FUT8: variants seen among roughly 807,000 people sequenced by gnomAD.
FUT8 encodes alpha-(1,6)-fucosyltransferase.
Under a neutral mutation model 71.3 loss-of-function variants are expected in FUT8, and 29 were observed. The ratio of observed to expected loss-of-function variants is 0.41; its 90% CI spans 0.30 to 0.55. FUT8 has a LOEUF of 0.55. Among genes scored for constraint, FUT8 ranks in the 20% least tolerant of loss-of-function variants. The probability of loss-of-function intolerance (pLI) is 0.34; values close to 1 mark genes in which losing one functional copy is unlikely to be tolerated. For missense variants in FUT8, 544 were observed against 702.1 expected (o/e 0.77, Z 2.55); for synonymous variants, 254 against 239.3 (o/e 1.06, Z -0.57).
chr14:65,525,421 A>T (rs2139881427), intron 2 of FUT8, among the ~76,000 whole-genome samples: 1 of 152,240 alleles, frequency 6.6e-6, no homozygotes, highest in African/African-American at 2.4e-5. Context: ...CCCCTTTATC[A>T]TTTTTTATTG....
At chr14:65,631,944 T>C (rs1890204090) in intron 6 of FUT8, among the ~76,000 whole-genome samples, 1 of 147,842 alleles carries the variant, frequency 6.8e-6, no homozygotes, top group East Asian at 2.2e-4. Flanking sequence ...AGTGAGAACA[T>C]ATGGTATTTG....
intron 8 of FUT8, among the ~76,000 whole-genome samples, chr14:65,723,925 T>TA (rs966798873): frequency 2.0e-5 from 3 of 152,252 alleles, no homozygotes; most frequent in African/African-American, 7.2e-5. Context: ...AGGCTTTACT[T>TA]ACTTTCTAAT....
chr14:65,647,129 A>C (rs1330757868), intron 6 of FUT8, among the ~76,000 whole-genome samples: 2 of 152,210 alleles, frequency 1.3e-5, no homozygotes, highest in Admixed American at 6.5e-5. Flanking sequence ...GTGACATTCT[A>C]GTCATTACAG....
intron 3 of FUT8, among the ~76,000 whole-genome samples, chr14:65,583,342 T>A (rs1250414976): frequency 6.6e-6 from 1 of 152,166 alleles, no homozygotes; most frequent in Non-Finnish European, 1.5e-5. Flanking sequence ...CCATCAGGCC[T>A]GGCAAATTTT....
At chr14:65,521,868 C>CTT (rs71126758) in intron 2 of FUT8, among the ~76,000 whole-genome samples, 10 of 144,200 alleles carry the variant, frequency 6.9e-5, no homozygotes, top group Admixed American at 1.4e-4. Flanking sequence ...GAATCTTCTT[C>CTT]TTTTTTTTTT....
intron 2 of FUT8, among the ~76,000 whole-genome samples, chr14:65,505,339 G>A (rs1441086518): frequency 2.5e-5 from 3 of 122,048 alleles, no homozygotes; most frequent in African/African-American, 9.6e-5. Flanking sequence ...TTGAGACAGA[G>A]TCTCGCTCTG....
upstream of FUT8, chr14:65,411,483 TCCTGGTA>T (rs2065122767): frequency 1.2e-5 from 1 of 86,492 alleles, no homozygotes; most frequent in African/African-American, 5.0e-5. Context: ...GTGATAGAGT[TCCTGGTA>T]CATAAGAAGG....
chr14:65,395,671 C>T, the FUT8 span, among the ~76,000 whole-genome samples: 1 of 152,348 alleles, frequency 6.6e-6, no homozygotes, highest in African/African-American at 2.4e-5. Flanking sequence ...AACCATTTTT[C>T]CCTCCTAGGC....
At chr14:65,557,930 C>T (rs1382978213) in intron 2 of FUT8, among the ~76,000 whole-genome samples, 1 of 152,116 alleles carries the variant, frequency 6.6e-6, no homozygotes, top group African/African-American at 2.4e-5. Context: ...GTTGTCATAT[C>T]AAAGGCTGAA....
At chr14:65,625,845 C>A (rs1243470595) in intron 5 of FUT8, among the ~76,000 whole-genome samples, 1 of 152,184 alleles carries the variant, frequency 6.6e-6, no homozygotes, top group Non-Finnish European at 1.5e-5. Context: ...CTCTGTTAAT[C>A]ATGTGTACTT....
chr14:65,610,279 A>AG (rs1888814343), intron 3 of FUT8, among the ~76,000 whole-genome samples: 1 of 151,848 alleles, frequency 6.6e-6, no homozygotes, highest in Non-Finnish European at 1.5e-5. Flanking sequence ...TTCTGATATT[A>AG]GGGGCAATAT....
chr14:65,569,433 A>G (rs1886363847), intron 3 of FUT8, among the ~76,000 whole-genome samples: 5 of 150,652 alleles, frequency 3.3e-5, no homozygotes, highest in Non-Finnish European at 7.4e-5. Context: ...ATTTTGTATT[A>G]TTTTCTATTG....
chr14:65,677,152 G>GTGTGTGTGTGTGTGCGCGCA (rs1555383261), intron 7 of FUT8, among the ~76,000 whole-genome samples: 2 of 59,480 alleles, frequency 3.4e-5, no homozygotes, highest in African/African-American at 5.0e-5. Context: ...GTGTGTGTGT[G>GTGTGTGTGTGTGTGCGCGCA]CGCGCGCGCA....
chr14:65,523,755 G>C (rs1365108117), intron 2 of FUT8, among the ~76,000 whole-genome samples: 2 of 152,146 alleles, frequency 1.3e-5, no homozygotes, highest in African/African-American at 4.8e-5. Context: ...TTTGTATAAG[G>C]TGTAAGGAAG....
At chr14:65,487,387 A>AC (rs1179881512) in intron 2 of FUT8, among the ~76,000 whole-genome samples, 7 of 151,990 alleles carry the variant, frequency 4.6e-5, no homozygotes, top group African/African-American at 1.4e-4. Context: ...ACATGGTGAG[A>AC]CCCCGTCTCT....
At chr14:65,624,940 C>A (rs1003910788) in intron 5 of FUT8, among the ~76,000 whole-genome samples, 40 of 152,244 alleles carry the variant, frequency 2.6e-4, no homozygotes, top group African/African-American at 8.7e-4. Flanking sequence ...GTGGTGCATG[C>A]CTGTAATCCC....
In FUT8 at chr14:65,537,098, A is replaced by G. The variant is rs559940744; in HGVS notation, c.-227-24239A>G. On this transcript the variant is annotated intron_variant, in intron 2 of 10. Coordinates refer to ENST00000673929, the MANE Select transcript of FUT8 (RefSeq NM_001371533.1). ...TTCTTATAGAGGTTTTTTCAGCTCT[A>G]TCAGATCAATTATGTTTTTTCTGTA... is the stretch of plus-strand genomic sequence containing the variant. Among the ~76,000 whole-genome samples, 12 of 150,118 alleles carry G rather than the reference A, an allele frequency of 8.0e-5. No homozygotes were observed. The South Asian group carries it at 1.5e-3, about 18-fold the overall frequency.
intron 2 of FUT8, among the ~76,000 whole-genome samples, chr14:65,499,699 G>A (rs1315064707): frequency 6.6e-6 from 1 of 151,844 alleles, no homozygotes; most frequent in East Asian, 1.9e-4. Context: ...TGTAGTCTCA[G>A]CTACATGGGA....
At chr14:65,648,151 C>T (rs113081120) in intron 6 of FUT8, among the ~76,000 whole-genome samples, 18 of 152,320 alleles carry the variant, frequency 1.2e-4, no homozygotes, top group African/African-American at 4.3e-4. Context: ...TACTTTCAGG[C>T]TACAGTTGCA....
Sources: allele counts gnomAD v4.1 joint callset (sites outside exome capture counted in the v4.1 genomes callset), GRCh38; gene constraint gnomAD v4.1.1; transcripts MANE v1.5; gene names NCBI Gene and HGNC (gene_info 2026-07-23, HGNC 2026-07-21).